The following LYST variants were observed in gnomAD, a reference collection of about 807,000 sequenced individuals.
LYST encodes the protein lysosomal-trafficking regulator.
In LYST, 192 loss-of-function variants were observed where a neutral mutation model predicts 413.6. That is an observed-to-expected ratio of 0.46 (90% CI 0.41 to 0.52). The LOEUF (loss-of-function observed/expected upper bound fraction) is 0.52, where lower values mean the gene tolerates loss of function less well. Ranked by LOEUF, LYST falls within the 20% of genes least tolerant of loss-of-function variation. The pLI is 0.00. For missense variants in LYST, 3,815 were observed against 4,499.9 expected (o/e 0.85, Z 4.35); for synonymous variants, 1,525 against 1,567.3 (o/e 0.97, Z 0.64).
intron 14 of LYST, among the ~76,000 whole-genome samples, chr1:235,783,317 G>A (rs2103485602): frequency 6.6e-6 from 1 of 151,736 alleles, no homozygotes; most frequent in South Asian, 2.1e-4. Context: ...TACATTCAAT[G>A]ACATACTTCT....
In LYST at chr1:235,724,127, A is replaced by C; in HGVS notation, c.9216T>G (p.Ile3072Met). The C allele has an allele frequency of 6.2e-7, 1 of 1,613,846 alleles. No individual in the cohort carries two copies. The highest frequency in any genetic ancestry group is 8.5e-7 in the Non-Finnish European group (1 of 1,179,774). ...GCCACCAACGCTTGTGAACTTCTTT[A>C]ATTTCTTCATATGTCCAGGAAAATG... Reference protein sequence around the residue: ...PASFSWTYEEIKEVHKRWWQL... With the variant: ...PASFSWTYEEMKEVHKRWWQL... Residue 3072 changes from isoleucine to methionine, a missense_variant, in exon 39 of 53, where the codon ATT (isoleucine) becomes ATG (methionine). This residue lies in a region of LYST where 866 missense variants were observed against 1,156.0 expected (regional missense o/e 0.75). Transcript: ENST00000389793.
At chr1:235,831,299 A>T (rs542299383) in intron 2 of LYST, among the ~76,000 whole-genome samples, 30 of 152,324 alleles carry the variant, frequency 2.0e-4, no homozygotes, top group Non-Finnish European at 3.8e-4. Flanking sequence ...CAAGAGGCAC[A>T]GTCAAGCTCT....
chr1:235,788,057 T>C (rs6698623), intron 13 of LYST, among the ~76,000 whole-genome samples: 41,537 of 152,156 alleles, frequency 0.27, 5,986 homozygotes, highest in African/African-American at 0.34. Flanking sequence ...TTAAGACCAT[T>C]ACAATCTGAT....
At chr1:235,722,709 C>G (rs369203478) in intron 39 of LYST, among the ~76,000 whole-genome samples, 4 of 152,224 alleles carry the variant, frequency 2.6e-5, no homozygotes, top group African/African-American at 9.6e-5. Flanking sequence ...TGGTCTTGAA[C>G]TCCTGACCTC....
intron 50 of LYST, among the ~76,000 whole-genome samples, chr1:235,676,691 T>C (rs1659405945): frequency 6.6e-6 from 1 of 152,206 alleles, no homozygotes; most frequent in African/African-American, 2.4e-5. Context: ...TAATTCAATT[T>C]TTCAGCTCAA....
intron 42 of LYST, among the ~76,000 whole-genome samples, chr1:235,714,633 T>C (rs981864462): frequency 6.6e-6 from 1 of 152,210 alleles, no homozygotes; most frequent in Non-Finnish European, 1.5e-5. Flanking sequence ...GGTGAGTATG[T>C]CCCAATCTCC....
chr1:235,688,895 G>C (rs925114860), intron 47 of LYST, among the ~76,000 whole-genome samples: 2 of 151,812 alleles, frequency 1.3e-5, no homozygotes, highest in African/African-American at 4.8e-5. Context: ...TGAGGCAGGA[G>C]AATCGCTTGA....
Position 235,759,451 on chromosome 1 carries a change from AT to A in LYST, c.6401del (p.Asn2134IlefsTer23). On this transcript the variant is annotated frameshift_variant, in exon 23 of 53. Transcript: ENST00000389793. LOFTEE classifies it high-confidence loss of function. ...GGGTGGCAACATAAGTATCTGCAAT[AT>A]TTTGTAACCTGTCGATACTACAACC... Reference protein sequence around the residue: ...SLGCSIDRLQNIADTYVATQS... With the variant: ...SLGCSIDRLQXIADTYVATQS... The A allele has an allele frequency of 6.2e-7, 1 of 1,614,092 alleles. No individual in the cohort carries two copies. Among genetic ancestry groups the A allele is most frequent in the Non-Finnish European group, 8.5e-7 (1 of 1,179,988 alleles).
chr1:235,769,212 G>A (rs1285542725), intron 20 of LYST, among the ~76,000 whole-genome samples: 1 of 152,002 alleles, frequency 6.6e-6, no homozygotes, highest in African/African-American at 2.4e-5. Context: ...ATAAGTAGGA[G>A]TTGGCCAGAT....
chr1:235,773,779 T>TA, intron 19 of LYST, 63 bp downstream of exon 19: 1 of 1,371,422 alleles, frequency 7.3e-7, no homozygotes, highest in Non-Finnish European at 1.0e-6. Context: ...CTTAAGATGG[T>TA]AAATTTTGTG....
At chr1:235,712,568 A>AT in intron 42 of LYST, 1 of 971,928 alleles carries the variant, frequency 1.0e-6, no homozygotes, top group Non-Finnish European at 1.2e-6. Flanking sequence ...GAATGAATGA[A>AT]TAATGAAGAA....
intron 48 of LYST, among the ~76,000 whole-genome samples, chr1:235,678,020 G>T (rs1659523533): frequency 6.6e-6 from 1 of 151,934 alleles, no homozygotes. Context: ...ATCCTTCATT[G>T]ATAGACACTT....
chr1:235,820,217 A>T (rs545260735), intron 3 of LYST, among the ~76,000 whole-genome samples: 1 of 152,332 alleles, frequency 6.6e-6, no homozygotes, highest in East Asian at 1.9e-4. Flanking sequence ...CAAAGGGGAA[A>T]GGGCTGAGAT....
At chr1:235,773,049 G>A (rs999876866) in intron 19 of LYST, among the ~76,000 whole-genome samples, 2 of 152,174 alleles carry the variant, frequency 1.3e-5, no homozygotes, top group African/African-American at 4.8e-5. Context: ...GGGGGTGGTG[G>A]CTCATGCCTA....
chr1:235,756,958 A>G (rs1271526768), intron 24 of LYST, among the ~76,000 whole-genome samples: 1 of 152,126 alleles, frequency 6.6e-6, no homozygotes, highest in Non-Finnish European at 1.5e-5. Flanking sequence ...ATTTTTACAA[A>G]AGAGATTTAC....
intron 50 of LYST, among the ~76,000 whole-genome samples, chr1:235,667,019 C>A (rs2103014673): frequency 6.6e-6 from 1 of 152,286 alleles, no homozygotes; most frequent in South Asian, 2.1e-4. Flanking sequence ...AAAGAATTAT[C>A]CTAGCAGCTC....
chr1:235,746,185 T>A, intron 29 of LYST, 151 bp downstream of exon 29: 1 of 683,932 alleles, frequency 1.5e-6, no homozygotes, highest in Non-Finnish European at 2.5e-6. Context: ...TCAAGACTTA[T>A]CAGTTCCAAA....
chr1:235,769,998 G>C (rs1315779094), intron 20 of LYST, among the ~76,000 whole-genome samples, 162 bp downstream of exon 20: 1 of 151,124 alleles, frequency 6.6e-6, no homozygotes, highest in East Asian at 1.9e-4. Flanking sequence ...TGCAGCAGTT[G>C]AAAAACTCCT....
At chr1:235,725,360 G>A (rs1429018027) in intron 38 of LYST, among the ~76,000 whole-genome samples, 1 of 152,126 alleles carries the variant, frequency 6.6e-6, no homozygotes, top group East Asian at 1.9e-4. Flanking sequence ...CCTGAACCCA[G>A]GAGGCGGAGG....
Sources: allele counts gnomAD v4.1 joint callset (sites outside exome capture counted in the v4.1 genomes callset), GRCh38; gene constraint gnomAD v4.1.1; regional missense constraint gnomAD v4.1.1; transcripts MANE v1.5; gene names NCBI Gene and HGNC (gene_info 2026-07-23, HGNC 2026-07-21).